The following ERC2 variants were observed in gnomAD, a reference collection of about 807,000 sequenced individuals.
The protein encoded by ERC2 is ELKS/RAB6-interacting/CAST family member 2, also known as ERC protein 2.
ERC2 carries 42 observed loss-of-function variants against 114.8 expected under a neutral mutation model. That is an observed-to-expected ratio of 0.37 (90% CI 0.29 to 0.47). The LOEUF (loss-of-function observed/expected upper bound fraction) is 0.47, where lower values mean the gene tolerates loss of function less well. Among genes scored for constraint, ERC2 ranks in the 20% least tolerant of loss-of-function variants. ERC2 has a pLI of 0.99. For synonymous variants in ERC2, 454 were observed against 425.5 expected, an observed-to-expected ratio of 1.07 and a Z score of -0.82; for missense variants, 939 against 1,150.7, an observed-to-expected ratio of 0.82 and a Z score of 2.66.
chr3:56,238,765 AAATTGCTCTAC>A (rs1397647832), intron 3 of ERC2, among the ~76,000 whole-genome samples: 1 of 152,250 alleles, frequency 6.6e-6, no homozygotes, highest in African/African-American at 2.4e-5. Context: ...GGACTCAATT[AAATTGCTCTAC>A]AGTTTGGACC....
chr3:55,985,569 A>C (rs562021561), intron 12 of ERC2, among the ~76,000 whole-genome samples: 142 of 152,322 alleles, frequency 9.3e-4, no homozygotes, highest in Non-Finnish European at 1.7e-3. Flanking sequence ...TTTAGCTTTT[A>C]AGTTGCTGTG....
intron 16 of ERC2, among the ~76,000 whole-genome samples, chr3:55,692,251 C>A (rs1351389279): frequency 6.6e-6 from 1 of 152,154 alleles, no homozygotes; most frequent in African/African-American, 2.4e-5. Flanking sequence ...AGTACGGGAT[C>A]CCACGGCCTC....
chr3:55,833,862 T>G (rs891423376), intron 14 of ERC2, among the ~76,000 whole-genome samples: 2 of 152,068 alleles, frequency 1.3e-5, no homozygotes, highest in African/African-American at 4.8e-5. Flanking sequence ...ATTCAGGAAA[T>G]CCATCTCATG....
At chr3:55,521,250 C>T (rs2052912540) in intron 17 of ERC2, among the ~76,000 whole-genome samples, 1 of 152,196 alleles carries the variant, frequency 6.6e-6, no homozygotes, top group African/African-American at 2.4e-5. Flanking sequence ...CTCCCTTTCC[C>T]TCTCCCCACA....
At chr3:55,860,882 A>G (rs1204885890) in intron 14 of ERC2, among the ~76,000 whole-genome samples, 1 of 152,238 alleles carries the variant, frequency 6.6e-6, no homozygotes, top group Non-Finnish European at 1.5e-5. Context: ...TTCTGAGAAG[A>G]CATTAAAGAA....
At chr3:56,042,874 A>G (rs1001646207) in intron 7 of ERC2, among the ~76,000 whole-genome samples, 1 of 152,222 alleles carries the variant, frequency 6.6e-6, no homozygotes, top group African/African-American at 2.4e-5. Context: ...TCCTTTAGAC[A>G]TAAAATGAAC....
chr3:55,996,489 T>C (rs2071520183), intron 10 of ERC2, among the ~76,000 whole-genome samples: 2 of 152,176 alleles, frequency 1.3e-5, no homozygotes, highest in African/African-American at 4.8e-5. Flanking sequence ...TGCTCAAAAA[T>C]ATTTCTTAAA....
intron 7 of ERC2, among the ~76,000 whole-genome samples, chr3:56,068,987 T>C (rs1336168417): frequency 6.6e-6 from 1 of 152,228 alleles, no homozygotes; most frequent in Non-Finnish European, 1.5e-5. Flanking sequence ...GTAAGTGCCA[T>C]GTGGCACTGA....
chr3:55,748,661 A>C (rs561672293), intron 14 of ERC2, among the ~76,000 whole-genome samples: 10 of 152,232 alleles, frequency 6.6e-5, no homozygotes, highest in Non-Finnish European at 1.3e-4. Context: ...CAAAGAATCC[A>C]TGTGGCATTT....
chr3:56,090,666 CT>C lies in ERC2; in HGVS notation c.1474-9683del, dbSNP rs75767701. Among the ~76,000 whole-genome samples, 475 of 139,372 alleles carry C rather than the reference CT, an allele frequency of 3.4e-3. 2 individuals carry two copies. Among genetic ancestry groups the C allele is most frequent in the Middle Eastern group, 3.9e-3 (1 of 256 alleles). The allele number at this position is 139,372 out of a possible 152,430, so 91.4% of individuals were successfully genotyped here. ...AATACATGATATATTTTCATATTTT[CT>C]TTTTTTTTTTTTTAGATCTGGGTTT... On this transcript the variant is annotated intron_variant, in intron 6 of 17. Coordinates refer to ENST00000288221, the MANE Select transcript of ERC2 (RefSeq NM_015576.3).
At chr3:56,152,907 A>C (rs2081500077) in intron 4 of ERC2, among the ~76,000 whole-genome samples, 1 of 152,202 alleles carries the variant, frequency 6.6e-6, no homozygotes, top group Admixed American at 6.5e-5. Context: ...CTAATAAATA[A>C]AACACTGGAA....
chr3:55,977,275 G>C (rs2069665269), intron 12 of ERC2, among the ~76,000 whole-genome samples: 1 of 152,140 alleles, frequency 6.6e-6, no homozygotes. Flanking sequence ...AGACATAAAA[G>C]AGATGACTGA....
At chr3:56,384,850 T>A (rs1357448168) in intron 2 of ERC2, among the ~76,000 whole-genome samples, 2 of 152,208 alleles carry the variant, frequency 1.3e-5, no homozygotes, top group Admixed American at 1.3e-4. Context: ...CTATTTTAAT[T>A]TTCATATATG....
chr3:56,405,572 A>G (rs1291586027), intron 2 of ERC2, among the ~76,000 whole-genome samples: 1 of 152,268 alleles, frequency 6.6e-6, no homozygotes, highest in Non-Finnish European at 1.5e-5. Context: ...CATTCATAAT[A>G]TATACCATAA....
rs199607866 is a variant in ERC2 at position 55,803,478 on chromosome 3, CT to C, written c.2565-68561del. Among the ~76,000 whole-genome samples, 866 of 150,418 alleles carry C rather than the reference CT, an allele frequency of 5.8e-3. 11 individuals carry two copies. The highest frequency in any genetic ancestry group is 0.02 in the African/African-American group (816 of 41,010). On this transcript the variant is annotated intron_variant, in intron 14 of 17. Coordinates refer to ENST00000288221, the MANE Select transcript of ERC2 (RefSeq NM_015576.3). ...GGAACTCCAATTTCCAATAAAAATG[CT>C]CAAATCAAGGGCATTTCAACTGATG...
intron 13 of ERC2, among the ~76,000 whole-genome samples, chr3:55,946,367 GT>G (rs1455037509): frequency 1.3e-5 from 2 of 152,008 alleles, no homozygotes; most frequent in East Asian, 1.9e-4. Flanking sequence ...TGCCCAAAAT[GT>G]TTTTTTAATG....
chr3:55,672,513 T>G (rs1444481224), intron 17 of ERC2, among the ~76,000 whole-genome samples: 1 of 152,138 alleles, frequency 6.6e-6, no homozygotes, highest in Non-Finnish European at 1.5e-5. Context: ...CTCCTTTTCT[T>G]ACTCTATAAA....
At chr3:55,915,469 A>G (rs1018744168) in intron 13 of ERC2, among the ~76,000 whole-genome samples, 1 of 152,198 alleles carries the variant, frequency 6.6e-6, no homozygotes, top group Non-Finnish European at 1.5e-5. Flanking sequence ...TTTCAGAAAG[A>G]AATGGCTGTG....
Position 55,729,134 on chromosome 3 carries a change from C to T in ERC2, c.2712+5637G>A, listed in dbSNP as rs182747962. Among the ~76,000 whole-genome samples the T allele has an allele frequency of 3.0e-4, 45 of 152,290 alleles. No individual in the cohort carries two copies. The East Asian group carries it at 8.7e-3, about 29-fold the overall frequency. On this transcript the variant is annotated intron_variant, in intron 15 of 17. Transcript: ENST00000288221. ...GCTTCCTAACTGCACAGAAGTTCTG[C>T]CTCAGAATACACCACTCTTAGCAGA...
Sources: allele counts gnomAD v4.1 joint callset (sites outside exome capture counted in the v4.1 genomes callset), GRCh38; gene constraint gnomAD v4.1.1; transcripts MANE v1.5; gene names NCBI Gene and HGNC (gene_info 2026-07-23, HGNC 2026-07-21).